Variants in MYH3 observed in about 807,000 individuals in gnomAD.
MYH3 encodes the protein myosin heavy chain 3.
A neutral mutation model predicts 238.0 loss-of-function variants in MYH3; 130 were observed. The ratio of observed to expected loss-of-function variants is 0.55; its 90% CI spans 0.47 to 0.63. The LOEUF is 0.63. Among genes scored for constraint, MYH3 ranks in the 30% least tolerant of loss-of-function variants. MYH3 has a pLI of 0.00. For synonymous variants in MYH3, 880 were observed against 924.1 expected (o/e 0.95, Z 0.86); for missense variants, 1,853 against 2,374.9 (o/e 0.78, Z 4.57).
In MYH3 at chr17:10,650,446, G is replaced by A. The variant is rs776416896; in HGVS notation, c.506-45C>T. 31 of 1,565,578 alleles carry A rather than the reference G, an allele frequency of 2.0e-5. No homozygotes were observed. In the African/African-American group the frequency reaches 3.9e-4, roughly 20 times the overall value. On this transcript the variant is annotated intron_variant, in intron 5 of 40. Coordinates refer to ENST00000583535, the MANE Select transcript of MYH3 (RefSeq NM_002470.4). ...AATAGAGTTGATGGCAATAGAAAAA[G>A]AGCTTCCCGATTCTACCCAACTCTC... is the stretch of plus-strand genomic sequence containing the variant.
At chr17:10,650,915 G>A (rs1597492270) in intron 5 of MYH3, among the ~76,000 whole-genome samples, 1 of 152,130 alleles carries the variant, frequency 6.6e-6, no homozygotes, top group Admixed American at 6.6e-5. Flanking sequence ...GCAGCCGGGT[G>A]CAGTGGCTCA....
At chr17:10,665,314 T>C in the MYH3 span, among the ~76,000 whole-genome samples, 1 of 152,070 alleles carries the variant, frequency 6.6e-6, no homozygotes, top group Non-Finnish European at 1.5e-5. Flanking sequence ...AGCTAGTTTT[T>C]GTATTTTTAG....
At chr17:10,676,902 G>A in the MYH3 span, 1 of 152,208 alleles carries the variant, frequency 6.6e-6, no homozygotes, top group Non-Finnish European at 1.5e-5. Context: ...AGGTCTAAAG[G>A]TGTTATTAAG....
chr17:10,643,728 G>A (rs563929886), intron 14 of MYH3, among the ~76,000 whole-genome samples: 11 of 152,344 alleles, frequency 7.2e-5, no homozygotes, highest in East Asian at 3.9e-4. Context: ...AAAATAGTGC[G>A]TGATTAACTT....
Position 10,629,021 on chromosome 17 carries a change from C to G in MYH3, c.5797-342G>C, listed in dbSNP as rs372368650. Among the ~76,000 whole-genome samples the G allele has an allele frequency of 1.7e-4, 26 of 152,154 alleles. 1 individual carries two copies. In the East Asian group the frequency reaches 2.9e-3, roughly 17 times the overall value. ...ACCCGCTCGCTCCTTTTCAGGATGG[C>G]GGTTTGTTTTGTTTTGTTGGGATAC... On this transcript the variant is annotated intron_variant, in intron 40 of 40. Coordinates refer to ENST00000583535, the MANE Select transcript of MYH3 (RefSeq NM_002470.4).
rs752291479 is a variant in MYH3 at position 10,644,331 on chromosome 17, T to C, written c.1410+20A>G. 1.2e-6 allele frequency: 2 copies of C among 1,610,470 alleles called. No individual in the cohort carries two copies. The highest frequency in any genetic ancestry group is 1.1e-5 in the South Asian group (1 of 91,002). On this transcript the variant is annotated intron_variant, in intron 14 of 40. Transcript: ENST00000583535. ...CCTCATATGAAGCCATATGAAAATA[T>C]GAATATAAGTAACACAAACCTCAAA...
the MYH3 span, chr17:10,673,505 G>C: frequency 1.3e-5 from 2 of 152,196 alleles, no homozygotes; most frequent in Non-Finnish European, 2.9e-5. Context: ...GCCTGTCTCC[G>C]TTAGGAATGG....
chr17:10,637,801 T>C lies in MYH3; in HGVS notation c.3856+8A>G, dbSNP rs1286319481. ...TTTGGCCCCACGGGTTTTCTGCACG[T>C]GGCTTACCAGCCTCGGTCTGCAAAC... is the stretch of plus-strand genomic sequence containing the variant. On this transcript the variant is annotated splice_region_variant and intron_variant, in intron 28 of 40. Transcript: ENST00000583535. 3.1e-6 allele frequency: 5 copies of C among 1,613,894 alleles called. No individual in the cohort carries two copies. The African/African-American group carries it at 5.3e-5, about 17-fold the overall frequency.
chr17:10,670,023 A>T, the MYH3 span, among the ~76,000 whole-genome samples: 1,557 of 152,324 alleles, frequency 0.01, 25 homozygotes, highest in African/African-American at 0.035. This position sits in a 1 kb window ranked among gnomAD's most constrained non-coding sequence, Gnocchi z 7.0. Flanking sequence ...GCTTTATCTC[A>T]AAGCGTGTAT....
chr17:10,676,918 T>C, the MYH3 span: 1 of 152,226 alleles, frequency 6.6e-6, no homozygotes, highest in Non-Finnish European at 1.5e-5. Flanking sequence ...TTAAGGAATA[T>C]GTGGCTAAAG....
chr17:10,652,545 C>T lies in MYH3; in HGVS notation c.223G>A (p.Glu75Lys). The change falls in exon 4 of 41, where the codon GAG becomes AAG. Residue 75 changes from glutamate (E) to lysine (K), a missense_variant. Around this residue, in one of 3 missense-constraint regions of MYH3, gnomAD observed 131 missense variants for 123.5 expected, o/e 1.06. Transcript: ENST00000583535. ...EDNRTLVVKP[E>K]DVYAMNPPKF... Reference sequence around the variant, plus strand: ...GGGGGGTTCATGGCGTACACATCCTCTGGTTTGACCACCAGGGTCTAAAAA... The same window carrying T: ...GGGGGGTTCATGGCGTACACATCCTTTGGTTTGACCACCAGGGTCTAAAAA... 1.9e-6 allele frequency: 3 copies of T among 1,606,676 alleles called. No individual in the cohort carries two copies. Among genetic ancestry groups the T allele is most frequent in the Admixed American group, 1.7e-5 (1 of 59,634 alleles).
chr17:10,632,932 C>T, intron 33 of MYH3, 148 bp from the exon 34 acceptor site: 4 of 935,130 alleles, frequency 4.3e-6, no homozygotes, highest in East Asian at 2.5e-5. Flanking sequence ...CCCAAATTGG[C>T]CGGGTGCAGT....
the MYH3 span, chr17:10,674,992 T>C: frequency 1.3e-5 from 2 of 152,408 alleles, no homozygotes; most frequent in Middle Eastern, 3.4e-3. Flanking sequence ...CAACAAGGAA[T>C]GTGCCCACTC....
At chr17:10,661,168 G>T (rs1839060897), upstream of MYH3, among the ~76,000 whole-genome samples, 1 of 151,378 alleles carries the variant, frequency 6.6e-6, no homozygotes, top group African/African-American at 2.4e-5. Flanking sequence ...GTAAAGATGG[G>T]TTTTTACCAT....
Position 10,640,104 on chromosome 17 carries a change from C to T in MYH3, c.2574G>A (p.Gln858=). 1 of 1,614,178 alleles carries T rather than the reference C, an allele frequency of 6.2e-7. No homozygotes were observed. Among genetic ancestry groups the T allele is most frequent in the Non-Finnish European group, 8.5e-7 (1 of 1,180,044 alleles). Residue 858 remains glutamine, a synonymous_variant, in exon 22 of 41, where the codon CAG becomes CAA. Coordinates refer to ENST00000583535, the MANE Select transcript of MYH3 (RefSeq NM_002470.4). ...KEMATMKEEF[Q]KTKDELAKSE... ...ACTTGGCGAGTTCATCTTTGGTTTT[C>T]TGGAATTCTTCCTTCATGGTGGCCA...
the MYH3 span, chr17:10,678,132 A>G: frequency 6.6e-6 from 1 of 152,178 alleles, no homozygotes; most frequent in Non-Finnish European, 1.5e-5. Flanking sequence ...GAAAAGAAAA[A>G]AAAAACAGCC....
chr17:10,640,713 C>T lies in MYH3; in HGVS notation c.2166-27G>A, dbSNP rs202036597. 4 of 1,612,270 alleles carry T rather than the reference C, an allele frequency of 2.5e-6. No homozygotes were observed. In the East Asian group the frequency reaches 8.9e-5, roughly 36 times the overall value. On this transcript the variant is annotated intron_variant, in intron 19 of 40. Transcript: ENST00000583535. ...TGCATTGTAGACATGGAAATCATCA[C>T]AGACTGTTGGCAAAGACACAAACCT...
At chr17:10,649,470 C>G (rs2074354749) in intron 7 of MYH3, 107 bp downstream of exon 7, 1 of 900,996 alleles carries the variant, frequency 1.1e-6, no homozygotes. Flanking sequence ...AGCCTGTTCT[C>G]CATTCTCTGA....
chr17:10,652,373 C>A (rs762977240), intron 4 of MYH3, 47 bp downstream of exon 4: 2 of 1,606,308 alleles, frequency 1.2e-6, no homozygotes, highest in African/African-American at 1.3e-5. Flanking sequence ...CTCCCCTGCC[C>A]GCATATCTAA....
Sources: allele counts gnomAD v4.1 joint callset (sites outside exome capture counted in the v4.1 genomes callset), GRCh38; gene constraint gnomAD v4.1.1; regional missense constraint gnomAD v4.1.1; non-coding constraint Gnocchi (gnomAD v3.1); transcripts MANE v1.5; gene names NCBI Gene and HGNC (gene_info 2026-07-23, HGNC 2026-07-21).